ZRANB3: variants seen among roughly 807,000 people sequenced by gnomAD.
ZRANB3 encodes the protein zinc finger RANBP2-type containing 3, also known as DNA annealing helicase and endonuclease ZRANB3.
In ZRANB3, 125 loss-of-function variants were observed where a neutral mutation model predicts 133.8. The observed-to-expected ratio is 0.93, with a 90% CI of 0.81 to 1.08. ZRANB3 has a LOEUF of 1.08. ZRANB3 is among the 50% of genes least tolerant of loss of function. The pLI, the probability that ZRANB3 is intolerant of heterozygous loss-of-function variation, is 0.00. For synonymous variants in ZRANB3, 387 were observed against 432.7 expected, an observed-to-expected ratio of 0.89 and a Z score of 1.31; for missense variants, 1,229 against 1,275.5, an observed-to-expected ratio of 0.96 and a Z score of 0.56.
intron 3 of ZRANB3, among the ~76,000 whole-genome samples, chr2:135,365,362 A>T (rs964043507): frequency 7.2e-5 from 11 of 152,218 alleles, no homozygotes; most frequent in Non-Finnish European, 1.5e-4. Context: ...CAGAAGTTTA[A>T]TAAAGGCACT....
chr2:135,444,837 G>T (rs1443359759), intron 2 of ZRANB3, among the ~76,000 whole-genome samples: 1 of 152,150 alleles, frequency 6.6e-6, no homozygotes, highest in Non-Finnish European at 1.5e-5. Context: ...TAAAGCGGTA[G>T]GCGTGGGCGG....
intron 8 of ZRANB3, among the ~76,000 whole-genome samples, chr2:135,280,671 T>G (rs529524819): frequency 6.6e-6 from 1 of 152,250 alleles, no homozygotes; most frequent in Admixed American, 6.5e-5. Context: ...TAAAAGTAGT[T>G]AAAGAAAAAT....
intron 2 of ZRANB3, among the ~76,000 whole-genome samples, chr2:135,462,011 G>A (rs1690786571): frequency 6.6e-6 from 1 of 152,012 alleles, no homozygotes; most frequent in South Asian, 2.1e-4. Flanking sequence ...GGATAGAGTT[G>A]GACTAGTTCT....
intron 6 of ZRANB3, among the ~76,000 whole-genome samples, chr2:135,325,535 G>A (rs897647965): frequency 1.3e-5 from 2 of 152,096 alleles, no homozygotes; most frequent in Non-Finnish European, 2.9e-5. Context: ...GCGACTACAG[G>A]TGGCTGCCAC....
intron 3 of ZRANB3, among the ~76,000 whole-genome samples, chr2:135,364,070 G>A (rs1163463151): frequency 2.6e-5 from 4 of 150,972 alleles, no homozygotes; most frequent in African/African-American, 7.4e-5. Context: ...ATGAAGGAAG[G>A]AGGGAAGGAG....
chr2:135,390,203 T>C (rs988734304), intron 3 of ZRANB3, among the ~76,000 whole-genome samples: 3 of 152,118 alleles, frequency 2.0e-5, no homozygotes, highest in Admixed American at 2.0e-4. Context: ...CTTAAAGACA[T>C]AATGAAAAAC....
intron 13 of ZRANB3, among the ~76,000 whole-genome samples, chr2:135,229,652 C>A (rs1694908209): frequency 6.6e-6 from 1 of 152,230 alleles, no homozygotes; most frequent in Admixed American, 6.5e-5. Context: ...CAGGCGTGAG[C>A]CACCGCGCCC....
At chr2:135,268,931 G>A in intron 11 of ZRANB3, 31 bp downstream of exon 11, 1 of 1,572,430 alleles carries the variant, frequency 6.4e-7, no homozygotes, top group Non-Finnish European at 8.6e-7. Flanking sequence ...TAGTAAGTAA[G>A]CTGCTAACTT....
intron 2 of ZRANB3, among the ~76,000 whole-genome samples, chr2:135,498,757 T>C (rs1021208363): frequency 6.6e-6 from 1 of 152,158 alleles, no homozygotes; most frequent in Admixed American, 6.5e-5. Flanking sequence ...AATGGCCGCT[T>C]TGGGAACATC....
chr2:135,442,741 G>C (rs566034980), intron 2 of ZRANB3, among the ~76,000 whole-genome samples: 1 of 152,110 alleles, frequency 6.6e-6, no homozygotes, highest in Admixed American at 6.6e-5. Flanking sequence ...AAAGACACAC[G>C]CAAACGTATG....
chr2:135,269,587 T>C (rs1245647590), intron 10 of ZRANB3, among the ~76,000 whole-genome samples: 1 of 152,240 alleles, frequency 6.6e-6, no homozygotes, highest in Admixed American at 6.5e-5. Context: ...CTGGTTATAC[T>C]ACTTTCTTCC....
chr2:135,435,220 C>T (rs1027057165), intron 2 of ZRANB3, among the ~76,000 whole-genome samples: 2 of 152,098 alleles, frequency 1.3e-5, no homozygotes, highest in Non-Finnish European at 1.5e-5. Context: ...ATTTCGCTCC[C>T]GCTTACAAGT....
chr2:135,390,512 TG>T (rs1034642880), intron 3 of ZRANB3, among the ~76,000 whole-genome samples: 12 of 152,100 alleles, frequency 7.9e-5, no homozygotes, highest in African/African-American at 2.7e-4. Flanking sequence ...AAAAGCTTTT[TG>T]GGGGGCTGCA....
At chr2:135,270,228 T>C (rs1377483587) in intron 10 of ZRANB3, among the ~76,000 whole-genome samples, 3 of 152,104 alleles carry the variant, frequency 2.0e-5, no homozygotes, top group Admixed American at 1.3e-4. Flanking sequence ...TAAAAAGTAG[T>C]ATTTAAGGAG....
At chr2:135,499,635 T>C (rs1222941453) in intron 2 of ZRANB3, among the ~76,000 whole-genome samples, 1 of 152,064 alleles carries the variant, frequency 6.6e-6, no homozygotes, top group African/African-American at 2.4e-5. Flanking sequence ...GAAATGTAAA[T>C]AAAAACCTCA....
intron 8 of ZRANB3, among the ~76,000 whole-genome samples, chr2:135,298,171 T>C (rs1344523348): frequency 6.6e-6 from 1 of 152,088 alleles, no homozygotes; most frequent in Non-Finnish European, 1.5e-5. Context: ...GAGGGTGCAG[T>C]GAGCCAAGAT....
chr2:135,377,349 C>T (rs746191385), intron 3 of ZRANB3, among the ~76,000 whole-genome samples: 8 of 152,140 alleles, frequency 5.3e-5, no homozygotes, highest in Non-Finnish European at 1.0e-4. Context: ...CCTAGAAGGA[C>T]ACCCCTGGAG....
intron 12 of ZRANB3, among the ~76,000 whole-genome samples, chr2:135,232,838 T>C (rs1387158534): frequency 6.6e-6 from 1 of 151,774 alleles, no homozygotes; most frequent in African/African-American, 2.4e-5. Flanking sequence ...ATCACAAAGA[T>C]GGGGAAAAAA....
chr2:135,318,212 T>TG lies in ZRANB3; in HGVS notation c.678-2683_678-2682insC, dbSNP rs1683348621. Among the ~76,000 whole-genome samples the TG allele has an allele frequency of 1.5e-5, 2 of 136,886 alleles. 1 individual carries two copies. Among genetic ancestry groups the TG allele is most frequent in the Non-Finnish European group, 3.2e-5 (2 of 62,732 alleles). 89.8% of individuals were successfully genotyped at this position (136,886 alleles called of 152,430 possible). ...TTTCCTATGCTATTTACACACTATT[T>TG]TGTGTGTGTGTGTGTGTGTGTGTGT... On this transcript the variant is annotated intron_variant, in intron 6 of 20. Coordinates refer to ENST00000264159, the MANE Select transcript of ZRANB3 (RefSeq NM_032143.4).
Sources: gnomAD v4.1 joint callset for allele counts (sites outside exome capture counted in the v4.1 genomes callset) on GRCh38, gnomAD v4.1.1 for gene constraint, MANE v1.5 for transcripts, NCBI Gene and HGNC (gene_info 2026-07-23, HGNC 2026-07-21) for gene names.